The following DTD1 variants were observed in gnomAD, a reference collection of about 807,000 sequenced individuals.
DTD1 encodes the protein D-tyrosyl-tRNA deacylase 1 homolog.
In DTD1, 13 loss-of-function variants were observed where a neutral mutation model predicts 25.6. The ratio of observed to expected loss-of-function variants is 0.51; its 90% CI spans 0.33 to 0.81. The LOEUF (loss-of-function observed/expected upper bound fraction) is 0.81, where lower values mean the gene tolerates loss of function less well. DTD1 is among the 30% of genes least tolerant of loss of function. DTD1 has a pLI of 0.02. For missense variants in DTD1, 193 were observed against 266.4 expected (o/e 0.72, Z 1.92); for synonymous variants, 110 against 103.6 (o/e 1.06, Z -0.37).
At chr20:18,689,289 C>G (rs565406616) in intron 4 of DTD1, among the ~76,000 whole-genome samples, 2 of 152,134 alleles carry the variant, frequency 1.3e-5, no homozygotes, top group African/African-American at 2.4e-5. Context: ...CTGCCCGCCC[C>G]CTTTGTATGT....
chr20:18,733,171 G>A (rs534858454), intron 4 of DTD1, among the ~76,000 whole-genome samples: 176 of 152,316 alleles, frequency 1.2e-3, no homozygotes, highest in African/African-American at 4.0e-3. Flanking sequence ...ACATATCTCA[G>A]TTGGCTCAGT....
intron 4 of DTD1, among the ~76,000 whole-genome samples, chr20:18,639,179 T>TTTTTTA: frequency 1.2e-5 from 1 of 86,832 alleles, no homozygotes; most frequent in Non-Finnish European, 2.5e-5. Context: ...GTTTTTTTTT[T>TTTTTTA]AAGAAAAAAA....
chr20:18,743,492 A>C (rs1457391612), intron 4 of DTD1, among the ~76,000 whole-genome samples: 1 of 152,088 alleles, frequency 6.6e-6, no homozygotes, highest in Non-Finnish European at 1.5e-5. Context: ...CCAGGAGTTC[A>C]AGAACAGCTT....
intron 3 of DTD1, among the ~76,000 whole-genome samples, chr20:18,622,942 A>ATTTTTTTTTTTTTTTTTTTTTTTTTTT (rs771564529): frequency 1.5e-5 from 2 of 129,756 alleles, no homozygotes; most frequent in Non-Finnish European, 3.3e-5. Context: ...ATTTTATAGA[A>ATTTTTTTTTTTTTTTTTTTTTTTTTTT]TTTTTTTTTT....
At chr20:18,671,995 A>G (rs1396181032) in intron 4 of DTD1, among the ~76,000 whole-genome samples, 3 of 152,194 alleles carry the variant, frequency 2.0e-5, no homozygotes, top group Non-Finnish European at 2.9e-5. Flanking sequence ...GAACTTTGGG[A>G]GGCCGAGGTG....
At chr20:18,726,998 G>A (rs1055800745) in intron 4 of DTD1, among the ~76,000 whole-genome samples, 11 of 152,258 alleles carry the variant, frequency 7.2e-5, no homozygotes, top group African/African-American at 2.4e-4. Flanking sequence ...TTGGCTGGCT[G>A]AGAGTCTGTG....
rs57780175 is a variant in DTD1, at chr20:18,648,995, C to CAAAAAAAAAAAAAAAAAAA, written c.477+20768_477+20786dup. On this transcript the variant is annotated intron_variant, in intron 4 of 5. Coordinates refer to ENST00000377452, the MANE Select transcript of DTD1 (RefSeq NM_080820.6). Reference sequence around the variant, plus strand: ...TGGGCAACAGAGAAAGACTCCATCTCAAAAAAAAAAAAAAAAAAAAAAAAG... The same window carrying CAAAAAAAAAAAAAAAAAAA: ...TGGGCAACAGAGAAAGACTCCATCTCAAAAAAAAAAAAAAAAAAAAAAAAAAAAAAAAAAAAAAAAAAAG... Among the ~76,000 whole-genome samples the CAAAAAAAAAAAAAAAAAAA allele has an allele frequency of 3.6e-5, 2 of 56,270 alleles. 1 individual carries two copies. The highest frequency in any genetic ancestry group is 1.6e-4 in the African/African-American group (2 of 12,704). The allele number at this position is 56,270 out of a possible 152,430, so 36.9% of individuals were successfully genotyped here.
At chr20:18,750,239 C>G (rs1317416986) in intron 5 of DTD1, among the ~76,000 whole-genome samples, 1 of 152,146 alleles carries the variant, frequency 6.6e-6, no homozygotes, top group African/African-American at 2.4e-5. Flanking sequence ...GTTCCCCCTT[C>G]TGATGAAATT....
At chr20:18,656,183 A>G (rs1294256731) in intron 4 of DTD1, among the ~76,000 whole-genome samples, 1 of 152,230 alleles carries the variant, frequency 6.6e-6, no homozygotes, top group African/African-American at 2.4e-5. Flanking sequence ...ATCTAGAAAT[A>G]AAGAAGGCTT....
At chr20:18,737,928 G>A (rs2061262828) in intron 4 of DTD1, among the ~76,000 whole-genome samples, 1 of 152,212 alleles carries the variant, frequency 6.6e-6, no homozygotes, top group Non-Finnish European at 1.5e-5. Flanking sequence ...ATGAAGACAA[G>A]TGTGCGGCTA....
intron 3 of DTD1, among the ~76,000 whole-genome samples, chr20:18,610,774 C>T (rs776393792): frequency 1.3e-5 from 2 of 151,840 alleles, no homozygotes; most frequent in South Asian, 2.1e-4. Context: ...TAGCCACACA[C>T]GGGGTTGTGT....
intron 4 of DTD1, among the ~76,000 whole-genome samples, chr20:18,711,657 T>C (rs1284193691): frequency 6.6e-6 from 1 of 152,176 alleles, no homozygotes; most frequent in African/African-American, 2.4e-5. Context: ...GAGCTGTTCT[T>C]ACTCTGAGTC....
intron 3 of DTD1, among the ~76,000 whole-genome samples, chr20:18,609,018 A>T (rs2060675031): frequency 6.6e-6 from 1 of 152,186 alleles, no homozygotes; most frequent in Non-Finnish European, 1.5e-5. Flanking sequence ...TTTTTTTTTA[A>T]ATTAGAAAAC....
At chr20:18,722,074 C>T (rs1422620254) in intron 4 of DTD1, among the ~76,000 whole-genome samples, 3 of 152,234 alleles carry the variant, frequency 2.0e-5, no homozygotes, top group Non-Finnish European at 4.4e-5. Flanking sequence ...TAGCCACCAT[C>T]GAGGGTGGCT....
rs1277190406 is a variant in DTD1, at chr20:18,715,189, C to CA, written c.478-28910dup. On this transcript the variant is annotated intron_variant, in intron 4 of 5. Transcript: ENST00000377452. ...TACTGTCATACACTGTCCCCTCCCC[C>CA]ACTCCATTTCCCCCAGGGTCAGAAC... 7.2e-5 allele frequency among the ~76,000 whole-genome samples: 11 copies of CA among 152,280 alleles called. No homozygotes were observed. The East Asian group carries it at 1.9e-3, about 27-fold the overall frequency.
At chr20:18,748,897 A>G (rs2061311147) in intron 5 of DTD1, among the ~76,000 whole-genome samples, 1 of 151,318 alleles carries the variant, frequency 6.6e-6, no homozygotes, top group Non-Finnish European at 1.5e-5. Context: ...CAGCAGGGGG[A>G]GCAGACCCCA....
chr20:18,724,066 C>G (rs1027865585), intron 4 of DTD1, among the ~76,000 whole-genome samples: 1 of 152,210 alleles, frequency 6.6e-6, no homozygotes, highest in Admixed American at 6.5e-5. Flanking sequence ...TATCTCCTGC[C>G]CCCTTTTAAG....
At chr20:18,748,174 TACACAC>T (rs11467996) in intron 5 of DTD1, among the ~76,000 whole-genome samples, 5 of 150,202 alleles carry the variant, frequency 3.3e-5, no homozygotes, top group African/African-American at 1.2e-4. Flanking sequence ...CTGGCACGCA[TACACAC>T]ACACACACAC....
chr20:18,686,746 A>C (rs992878918), intron 4 of DTD1, among the ~76,000 whole-genome samples: 1 of 150,128 alleles, frequency 6.7e-6, no homozygotes, highest in African/African-American at 2.5e-5. Flanking sequence ...TTTTCAATGG[A>C]GGTGTTCTTT....
Sources: gnomAD v4.1 joint callset for allele counts (sites outside exome capture counted in the v4.1 genomes callset) on GRCh38, gnomAD v4.1.1 for gene constraint, MANE v1.5 for transcripts, NCBI Gene and HGNC (gene_info 2026-07-23, HGNC 2026-07-21) for gene names.